B3GALT5: variants seen among roughly 807,000 people sequenced by gnomAD.
The protein encoded by B3GALT5 is UDP-Gal:betaGlcNAc beta 1,3-galactosyltransferase, polypeptide 5.
For synonymous variants in B3GALT5, 156 were observed against 158.6 expected (o/e 0.98, Z 0.12); for missense variants, 328 against 396.6 (o/e 0.83, Z 1.47).
chr21:39,631,812 G>T (rs1212822052), intron 1 of B3GALT5, among the ~76,000 whole-genome samples: 8 of 152,188 alleles, frequency 5.3e-5, no homozygotes, highest in African/African-American at 1.9e-4. Context: ...GAATAGTGCT[G>T]GTACCAAGAA....
chr21:39,660,154 G>A (rs546969399), intron 3 of B3GALT5, among the ~76,000 whole-genome samples: 1 of 152,286 alleles, frequency 6.6e-6, no homozygotes, highest in East Asian at 1.9e-4. Context: ...GAATGCAAGT[G>A]GTCCATACAT....
At position 39,671,450 on chromosome 21, in the gene B3GALT5, T is replaced by C. The variant is rs566969821; in HGVS notation, c.*9958T>C. 1 of 152,274 alleles carries C rather than the reference T, an allele frequency of 6.6e-6. No homozygotes were observed. The highest frequency in any genetic ancestry group is 2.1e-4 in the South Asian group (1 of 4,818). 9.4% of individuals were successfully genotyped at this position (152,274 alleles called of 1,614,324 possible). On this transcript the variant is annotated 3_prime_UTR_variant, in exon 4 of 4. Transcript: ENST00000684187. ...CTGGAGAGTAGATACTTGATAATTA[T>C]CTATTGGGTTCTCAGGGGATCTCTC...
intron 1 of B3GALT5, among the ~76,000 whole-genome samples, chr21:39,620,329 C>T (rs1241176744): frequency 6.6e-6 from 1 of 152,156 alleles, no homozygotes; most frequent in Non-Finnish European, 1.5e-5. Context: ...GTAGAGTATT[C>T]CTCAATTTGG....
chr21:39,655,786 C>G (rs2079437379), intron 2 of B3GALT5, among the ~76,000 whole-genome samples: 1 of 152,188 alleles, frequency 6.6e-6, no homozygotes, highest in Admixed American at 6.5e-5. Flanking sequence ...AGTCTGGGGT[C>G]AGCTGCGGGG....
chr21:39,617,103 C>G (rs568492952), intron 1 of B3GALT5, among the ~76,000 whole-genome samples: 57 of 152,316 alleles, frequency 3.7e-4, no homozygotes, highest in African/African-American at 1.3e-3. Context: ...TCCCCATCTC[C>G]TTTCATCCCT....
chr21:39,619,528 A>G (rs905085060), intron 1 of B3GALT5, among the ~76,000 whole-genome samples: 9 of 152,142 alleles, frequency 5.9e-5, no homozygotes, highest in African/African-American at 2.2e-4. Context: ...TATATATACT[A>G]GATCAAGTTA....
intron 1 of B3GALT5, among the ~76,000 whole-genome samples, chr21:39,629,806 G>T (rs2123695072): frequency 1.3e-5 from 2 of 152,146 alleles, no homozygotes; most frequent in Middle Eastern, 6.8e-3. Flanking sequence ...GTTAATTCCT[G>T]GTTTTATTGT....
At chr21:39,651,928 T>C (rs562350105) in intron 2 of B3GALT5, among the ~76,000 whole-genome samples, 5 of 152,354 alleles carry the variant, frequency 3.3e-5, no homozygotes, top group East Asian at 1.9e-4. Context: ...GTATTATACA[T>C]GTAAAAACGT....
rs867092313 is a variant in B3GALT5, at chr21:39,639,462, T to C, written c.-391-6930T>C. 2.0e-3 allele frequency among the ~76,000 whole-genome samples: 263 copies of C among 132,446 alleles called. 7 individuals carry two copies. The highest frequency in any genetic ancestry group is 6.7e-3 in the African/African-American group (219 of 32,474). The allele number at this position is 132,446 out of a possible 152,430, so 86.9% of individuals were successfully genotyped here. On this transcript the variant is annotated intron_variant, in intron 1 of 3. Transcript: ENST00000684187. The stretch of plus-strand genomic sequence containing the variant: ...TTTCTTTCTTTCTTTCTTTTTTTCT[T>C]TCTCTCTCTCTCTCTCTTTCTTTCT...
rs975193228 is a variant in B3GALT5, at chr21:39,671,924, G to A, written c.*10432G>A. On this transcript the variant is annotated 3_prime_UTR_variant, in exon 4 of 4. Transcript: ENST00000684187. ...AGGGCAAGAGCCACGCCAACAGGAG[G>A]AAGTTGGAGTGCATCCTGGCACCTG... 11 of 152,200 alleles carry A rather than the reference G, an allele frequency of 7.2e-5. No homozygotes were observed. The highest frequency in any genetic ancestry group is 2.4e-4 in the African/African-American group (10 of 41,438). 9.4% of individuals were successfully genotyped at this position (152,200 alleles called of 1,614,324 possible).
chr21:39,639,359 C>CTTTCTTTCTTTCTTTCTTTTT (rs1569212217), intron 1 of B3GALT5, among the ~76,000 whole-genome samples: 2 of 100,540 alleles, frequency 2.0e-5, no homozygotes, highest in Admixed American at 1.1e-4. Flanking sequence ...TCCTTCCTTC[C>CTTTCTTTCTTTCTTTCTTTTT]TTCCTTCCTT....
intron 1 of B3GALT5, among the ~76,000 whole-genome samples, chr21:39,619,500 A>G (rs773451237): frequency 6.6e-6 from 1 of 152,092 alleles, no homozygotes; most frequent in Non-Finnish European, 1.5e-5. Context: ...CAAGTATCTT[A>G]TTGATGTAAT....
At chr21:39,652,869 G>A (rs1044521752) in intron 2 of B3GALT5, among the ~76,000 whole-genome samples, 3 of 152,118 alleles carry the variant, frequency 2.0e-5, no homozygotes, top group African/African-American at 7.2e-5. Context: ...AGAAATAGTC[G>A]GATTTGTGGT....
At chr21:39,641,988 T>A (rs1387394103) in intron 1 of B3GALT5, among the ~76,000 whole-genome samples, 1 of 152,238 alleles carries the variant, frequency 6.6e-6, no homozygotes, top group African/African-American at 2.4e-5. Flanking sequence ...GATCTCCATT[T>A]TACATATGAA....
At chr21:39,614,572 A>G (rs557564729) in intron 1 of B3GALT5, among the ~76,000 whole-genome samples, 2 of 152,244 alleles carry the variant, frequency 1.3e-5, no homozygotes, top group Admixed American at 1.3e-4. Context: ...CACCTTTAAT[A>G]GTTGGTTTTA....
At chr21:39,622,179 T>G (rs2079137517) in intron 1 of B3GALT5, among the ~76,000 whole-genome samples, 1 of 152,086 alleles carries the variant, frequency 6.6e-6, no homozygotes, top group Admixed American at 6.5e-5. Context: ...CACACATTTT[T>G]CTCCAGTATG....
In B3GALT5 at chr21:39,661,524, C is replaced by T; in HGVS notation, c.*32C>T. ...CCCAGAGGCACATCCGGACAAGTTT[C>T]AGATAACCCGTGGGGATAGTTTTTG... On this transcript the variant is annotated 3_prime_UTR_variant, in exon 4 of 4. Coordinates refer to ENST00000684187, the MANE Select transcript of B3GALT5 (RefSeq NM_001356336.2). This position sits in a 1 kb window ranked among gnomAD's most constrained non-coding sequence, Gnocchi z 4.7. 6.7e-7 allele frequency: 1 copy of T among 1,484,232 alleles called. No homozygotes were observed. Among genetic ancestry groups the T allele is most frequent in the South Asian group, 1.5e-5 (1 of 66,578 alleles). 91.9% of individuals were successfully genotyped at this position (1,484,232 alleles called of 1,614,324 possible).
Position 39,668,174 on chromosome 21 carries a change from C to G in B3GALT5, c.*6682C>G, listed in dbSNP as rs534498214. The G allele has an allele frequency of 1.3e-5, 2 of 152,368 alleles. No homozygotes were observed. Among genetic ancestry groups the G allele is most frequent in the Non-Finnish European group, 2.9e-5 (2 of 68,098 alleles). 9.4% of individuals were successfully genotyped at this position (152,368 alleles called of 1,614,324 possible). The stretch of plus-strand genomic sequence containing the variant: ...CCAGAGACCAAGGCTCCATGTTATC[C>G]CCAGCACCGGGCTGACCCCAAGTAC... On this transcript the variant is annotated 3_prime_UTR_variant, in exon 4 of 4. Coordinates refer to ENST00000684187, the MANE Select transcript of B3GALT5 (RefSeq NM_001356336.2).
chr21:39,657,671 A>G (rs1204964002), intron 2 of B3GALT5: 2 of 375,652 alleles, frequency 5.3e-6, no homozygotes, highest in East Asian at 7.6e-5. Context: ...CTGTCTGTCT[A>G]TCTATCTATC....
Sources: gnomAD v4.1 joint callset for allele counts (sites outside exome capture counted in the v4.1 genomes callset) on GRCh38, gnomAD v4.1.1 for gene constraint, Gnocchi (gnomAD v3.1) non-coding constraint, MANE v1.5 for transcripts, NCBI Gene and HGNC (gene_info 2026-07-23, HGNC 2026-07-21) for gene names.